Variants in SH3PXD2B observed in about 807,000 individuals in gnomAD.
The protein encoded by SH3PXD2B is SH3 and PX domains 2B.
SH3PXD2B carries 37 observed loss-of-function variants against 73.1 expected under a neutral mutation model. The observed-to-expected ratio is 0.51, with a 90% CI of 0.39 to 0.67. The LOEUF (loss-of-function observed/expected upper bound fraction) is 0.67. SH3PXD2B is among the 30% of genes least tolerant of loss of function. The probability of loss-of-function intolerance (pLI) is 0.00; values close to 1 mark genes in which losing one functional copy is unlikely to be tolerated. For missense variants in SH3PXD2B, 1,053 were observed against 1,197.8 expected (o/e 0.88, Z 1.78); for synonymous variants, 457 against 480.5 (o/e 0.95, Z 0.64).
rs1356194870 is a variant in SH3PXD2B at position 172,353,721 on chromosome 5, G to C, written c.785+167C>G. Among the ~76,000 whole-genome samples the C allele has an allele frequency of 6.6e-6, 1 of 152,124 alleles. No homozygotes were observed. The highest frequency in any genetic ancestry group is 2.4e-5 in the African/African-American group (1 of 41,420). On this transcript the variant is annotated intron_variant, in intron 9 of 12. Coordinates refer to ENST00000311601, the MANE Select transcript of SH3PXD2B (RefSeq NM_001017995.3). The surrounding 1 kb of genome is among the most constrained non-coding windows in gnomAD (Gnocchi z 4.3). ...TTTAGGGAAGGATATGGGTAGGGAGGGAGGCCACACAACACAGAGGAGAAG... is the reference window on the plus strand; with the variant it reads ...TTTAGGGAAGGATATGGGTAGGGAGCGAGGCCACACAACACAGAGGAGAAG...
chr5:172,385,103 G>A (rs1758030125), intron 4 of SH3PXD2B, among the ~76,000 whole-genome samples: 1 of 152,094 alleles, frequency 6.6e-6, no homozygotes, highest in Non-Finnish European at 1.5e-5. Context: ...TCCAAGCAGT[G>A]AGTGGTCATT....
At chr5:172,347,457 T>TC in intron 10 of SH3PXD2B, 125 bp from the exon 11 acceptor site, 1 of 953,862 alleles carries the variant, frequency 1.0e-6, no homozygotes, top group Non-Finnish European at 1.6e-6. Context: ...GCTGCAACCC[T>TC]CCCTGTGAGA....
intron 7 of SH3PXD2B, among the ~76,000 whole-genome samples, chr5:172,360,135 G>C (rs1468974305): frequency 6.6e-6 from 1 of 152,100 alleles, no homozygotes; most frequent in Non-Finnish European, 1.5e-5. Context: ...GGCCGGGCGT[G>C]GTGGCTCATG....
chr5:172,439,291 ACCC>A (rs10553170), intron 1 of SH3PXD2B, among the ~76,000 whole-genome samples: 6 of 51,330 alleles, frequency 1.2e-4, no homozygotes, highest in African/African-American at 5.1e-4. Context: ...CAAAAAAAAA[ACCC>A]CAAAAAAAAA....
chr5:172,349,886 G>T (rs1757120444), intron 10 of SH3PXD2B, among the ~76,000 whole-genome samples: 1 of 148,756 alleles, frequency 6.7e-6, no homozygotes, highest in South Asian at 2.1e-4. Flanking sequence ...TTTCACTCTT[G>T]TCGCCCAGGC....
In SH3PXD2B at chr5:172,445,303, G is replaced by C. The variant is rs187543953; in HGVS notation, c.75+8975C>G. Among the ~76,000 whole-genome samples, 390 of 152,322 alleles carry C rather than the reference G, an allele frequency of 2.6e-3. 8 individuals are homozygous for C. The highest frequency in any genetic ancestry group is 5.0e-4 in the Non-Finnish European group (34 of 68,022). On this transcript the variant is annotated intron_variant, in intron 1 of 12. Transcript: ENST00000311601. The surrounding 1 kb of genome is among the most constrained non-coding windows in gnomAD (Gnocchi z 5.2). ...GGCTCACTGCAGCCTCCATCTCCTG[G>C]GCTCAAGCGATCTTCCTGCCTCAGC...
chr5:172,408,534 C>CTTTTTTTTTTT lies in SH3PXD2B; in HGVS notation c.157-2193_157-2183dup, dbSNP rs34377327. ...TTCTTTTGTGTGCTTTGGGTTATCA[C>CTTTTTTTTTTT]TTTTTTTTTTTTTTTTTTTTTGAGA... On this transcript the variant is annotated intron_variant, in intron 2 of 12. Coordinates refer to ENST00000311601, the MANE Select transcript of SH3PXD2B (RefSeq NM_001017995.3). 3.5e-4 allele frequency among the ~76,000 whole-genome samples: 32 copies of CTTTTTTTTTTT among 92,664 alleles called. 1 individual carries two copies. Among genetic ancestry groups the CTTTTTTTTTTT allele is most frequent in the African/African-American group, 7.5e-4 (15 of 20,030 alleles). 60.8% of individuals were successfully genotyped at this position (92,664 alleles called of 152,430 possible).
intron 10 of SH3PXD2B, among the ~76,000 whole-genome samples, 175 bp from the exon 11 acceptor site, chr5:172,347,507 A>G (rs1757023700): frequency 6.6e-6 from 1 of 152,136 alleles, no homozygotes; most frequent in South Asian, 2.1e-4. Flanking sequence ...CGTGGCTCAT[A>G]GTTGGCTCAG....
intron 6 of SH3PXD2B, among the ~76,000 whole-genome samples, chr5:172,366,682 A>G (rs2731712): frequency 0.51 from 77,119 of 151,622 alleles, 20,816 homozygotes; most frequent in East Asian, 0.68. Flanking sequence ...TGCCAGGCTG[A>G]AGTGCAGCGG....
chr5:172,367,090 C>T (rs1434645907), intron 6 of SH3PXD2B, among the ~76,000 whole-genome samples: 1 of 151,900 alleles, frequency 6.6e-6, no homozygotes, highest in Non-Finnish European at 1.5e-5. Flanking sequence ...GCATGCACCA[C>T]CACACACAGC....
At chr5:172,367,023 GC>G (rs1757544392) in intron 6 of SH3PXD2B, among the ~76,000 whole-genome samples, 1 of 139,254 alleles carries the variant, frequency 7.2e-6, no homozygotes, top group African/African-American at 2.7e-5. Flanking sequence ...TGCAACCTCT[GC>G]CCCCAGGGCT....
intron 6 of SH3PXD2B, among the ~76,000 whole-genome samples, chr5:172,371,094 C>G (rs1561909952): frequency 1.3e-5 from 2 of 152,158 alleles, no homozygotes; most frequent in Admixed American, 6.6e-5. Flanking sequence ...TCAAGAGGTA[C>G]AGTGCCTTAT....
intron 8 of SH3PXD2B, among the ~76,000 whole-genome samples, chr5:172,355,064 A>G (rs1757240881): frequency 6.6e-6 from 1 of 152,252 alleles, no homozygotes; most frequent in African/African-American, 2.4e-5. Context: ...AAGGGAGCCC[A>G]GCAAGGAGAG....
Position 172,335,765 on chromosome 5 carries a change from G to A in SH3PXD2B, c.*2604C>T, listed in dbSNP as rs1388333538. 1.6e-6 allele frequency: 2 copies of A among 1,230,744 alleles called. No individual in the cohort carries two copies. Among genetic ancestry groups the A allele is most frequent in the Non-Finnish European group, 2.0e-6 (2 of 987,786 alleles). 76.2% of individuals were successfully genotyped at this position (1,230,744 alleles called of 1,614,324 possible). On this transcript the variant is annotated 3_prime_UTR_variant, in exon 13 of 13. Coordinates refer to ENST00000311601, the MANE Select transcript of SH3PXD2B (RefSeq NM_001017995.3). ...GGCAAGGACAGCTAGGAGAGTGACTGGCCACCCTGACCCACCCACTGCCTG... is the reference window on the plus strand; with the variant it reads ...GGCAAGGACAGCTAGGAGAGTGACTAGCCACCCTGACCCACCCACTGCCTG...
chr5:172,399,896 T>C (rs1163590559), intron 3 of SH3PXD2B, among the ~76,000 whole-genome samples: 1 of 151,670 alleles, frequency 6.6e-6, no homozygotes, highest in African/African-American at 2.4e-5. Context: ...CTCACCTGGA[T>C]AGATGTTCCT....
intron 11 of SH3PXD2B, among the ~76,000 whole-genome samples, 185 bp downstream of exon 11, chr5:172,347,098 C>T (rs2113277661): frequency 6.6e-6 from 1 of 152,344 alleles, no homozygotes; most frequent in South Asian, 2.1e-4. Flanking sequence ...ACTGTTTCAC[C>T]TGCCTGCACC....
chr5:172,454,481 A>AGCCGCCGCCGCCACC lies in SH3PXD2B; in HGVS notation c.-144_-130dup, dbSNP rs1554088894. ...GCAATCGCAGCCGGGGCCGAGCACG[A>AGCCGCCGCCGCCACC]GCCGCCGCCGCCACCGCCGCCGCCC... On this transcript the variant is annotated 5_prime_UTR_variant, in exon 1 of 13. Coordinates refer to ENST00000311601, the MANE Select transcript of SH3PXD2B (RefSeq NM_001017995.3). The AGCCGCCGCCGCCACC allele has an allele frequency of 1.7e-3, 536 of 320,132 alleles. 2 individuals carry two copies. The highest frequency in any genetic ancestry group is 0.011 in the African/African-American group (487 of 43,168). 19.8% of individuals were successfully genotyped at this position (320,132 alleles called of 1,614,324 possible).
chr5:172,329,083 A>ATATTTTTTTTTT (rs58472514), downstream of SH3PXD2B, among the ~76,000 whole-genome samples: 2 of 61,810 alleles, frequency 3.2e-5, no homozygotes, highest in African/African-American at 1.6e-4. Context: ...ATATATATAT[A>ATATTTTTTTTTT]TTTTTTTTTT....
At chr5:172,378,323 G>T (rs1466366861) in intron 5 of SH3PXD2B, among the ~76,000 whole-genome samples, 1 of 152,214 alleles carries the variant, frequency 6.6e-6, no homozygotes, top group Non-Finnish European at 1.5e-5. Flanking sequence ...ACTGGGAAGG[G>T]CCGCCAGCGC....
Sources: gnomAD v4.1 joint callset for allele counts (sites outside exome capture counted in the v4.1 genomes callset) on GRCh38, gnomAD v4.1.1 for gene constraint, Gnocchi (gnomAD v3.1) non-coding constraint, MANE v1.5 for transcripts, NCBI Gene and HGNC (gene_info 2026-07-23, HGNC 2026-07-21) for gene names.